Variants in REEP1 observed in about 807,000 individuals in gnomAD.
The protein encoded by REEP1 is receptor accessory protein 1, also known as receptor expression-enhancing protein 1.
Under a neutral mutation model 40.3 loss-of-function variants are expected in REEP1, and 22 were observed. The observed-to-expected ratio is 0.55, with a 90% confidence interval of 0.39 to 0.78. The LOEUF (loss-of-function observed/expected upper bound fraction) is 0.78. Among genes scored for constraint, REEP1 ranks in the 30% least tolerant of loss-of-function variants. The pLI is 0.00. For missense variants in REEP1, 280 were observed against 361.1 expected (o/e 0.78, Z 1.82); for synonymous variants, 116 against 139.2 (o/e 0.83, Z 1.17).
intron 1 of REEP1, among the ~76,000 whole-genome samples, chr2:86,297,987 C>G (rs913584959): frequency 6.6e-6 from 1 of 152,204 alleles, no homozygotes; most frequent in Non-Finnish European, 1.5e-5. Flanking sequence ...CCCACCCCAA[C>G]TGGTCCATTA....
At chr2:86,327,768 C>T (rs545880039) in intron 1 of REEP1, among the ~76,000 whole-genome samples, 4 of 152,156 alleles carry the variant, frequency 2.6e-5, no homozygotes, top group Non-Finnish European at 5.9e-5. Flanking sequence ...GGGATTTCAC[C>T]GTGTTAGCCA....
At chr2:86,316,666 C>A (rs944584488) in intron 1 of REEP1, among the ~76,000 whole-genome samples, 1 of 151,874 alleles carries the variant, frequency 6.6e-6, no homozygotes, top group African/African-American at 2.4e-5. Flanking sequence ...CGAGACCAGC[C>A]TGGCCAACAT....
At chr2:86,226,111 C>CCACCACCACCACCACCACCACCACCAT (rs1553457298) in intron 7 of REEP1, among the ~76,000 whole-genome samples, 2 of 141,036 alleles carry the variant, frequency 1.4e-5, no homozygotes, top group African/African-American at 5.2e-5. Flanking sequence ...ACCACCACCA[C>CCACCACCACCACCACCACCACCACCAT]CACCATCATC....
chr2:86,295,847 C>A (rs892083347), intron 1 of REEP1, among the ~76,000 whole-genome samples: 4 of 152,178 alleles, frequency 2.6e-5, no homozygotes, highest in Non-Finnish European at 5.9e-5. Flanking sequence ...CCCACAGCTG[C>A]TTTGTTTAGA....
chr2:86,260,409 T>G (rs1329399158), intron 3 of REEP1, among the ~76,000 whole-genome samples: 2 of 152,184 alleles, frequency 1.3e-5, no homozygotes, highest in African/African-American at 4.8e-5. Flanking sequence ...TACCCATACC[T>G]GCATACATGC....
intron 1 of REEP1, among the ~76,000 whole-genome samples, chr2:86,315,071 G>T (rs555848860): frequency 1.3e-5 from 2 of 152,082 alleles, no homozygotes; most frequent in East Asian, 3.9e-4. Flanking sequence ...AAACATCAAA[G>T]ACCCTGCAGG....
chr2:86,255,410 G>A (rs1676503971), intron 3 of REEP1, among the ~76,000 whole-genome samples: 1 of 152,190 alleles, frequency 6.6e-6, no homozygotes, highest in African/African-American at 2.4e-5. Flanking sequence ...CAGGCAAACA[G>A]ATTTTGATCT....
At chr2:86,232,599 AAG>A (rs1317030136) in intron 6 of REEP1, 24 bp downstream of exon 6, 1 of 1,610,056 alleles carries the variant, frequency 6.2e-7, no homozygotes, top group South Asian at 1.1e-5. Flanking sequence ...AGGAGTGGGA[AAG>A]AGGGGAAGTA....
At chr2:86,281,564 G>A (rs1370126351) in intron 2 of REEP1, among the ~76,000 whole-genome samples, 2 of 152,132 alleles carry the variant, frequency 1.3e-5, no homozygotes, top group African/African-American at 4.8e-5. Context: ...GGAGGCGGAG[G>A]TTGCAGTGAG....
chr2:86,336,941 C>T (rs1164261545), intron 1 of REEP1: 1 of 152,406 alleles, frequency 6.6e-6, no homozygotes, highest in African/African-American at 2.4e-5. Context: ...GATGCAGACA[C>T]CTAAAAAGGA....
At position 86,272,206 on chromosome 2, in the gene REEP1, G is replaced by T. The variant is rs576479202; in HGVS notation, c.106-8165C>A. Among the ~76,000 whole-genome samples the T allele has an allele frequency of 3.9e-5, 6 of 152,302 alleles. No homozygotes were observed. The South Asian group carries it at 1.2e-3, about 32-fold the overall frequency. On this transcript the variant is annotated intron_variant, in intron 2 of 8. Transcript: ENST00000538924. ...CACTGCACTCCAGCCTGGGCAACAA[G>T]AGTGAAACTCCATCTCAGAAAATTT...
intron 3 of REEP1, among the ~76,000 whole-genome samples, chr2:86,256,266 C>T (rs989202897): frequency 8.0e-5 from 12 of 149,804 alleles, no homozygotes; most frequent in Non-Finnish European, 1.3e-4. Flanking sequence ...GAGAATTGCT[C>T]GAACCCAGGA....
At chr2:86,326,399 T>G (rs1195486462) in intron 1 of REEP1, among the ~76,000 whole-genome samples, 2 of 152,100 alleles carry the variant, frequency 1.3e-5, no homozygotes, top group Non-Finnish European at 2.9e-5. Flanking sequence ...CCTTAACCAG[T>G]ATAAGGAAAA....
intron 8 of REEP1, 49 bp from the exon 9 acceptor site, chr2:86,217,159 A>G: frequency 6.6e-7 from 1 of 1,519,774 alleles, no homozygotes; most frequent in Non-Finnish European, 9.1e-7. Context: ...TAAATGTGGG[A>G]TCTTTTGAGG....
intron 5 of REEP1, among the ~76,000 whole-genome samples, chr2:86,243,071 C>T (rs550288557): frequency 2.0e-5 from 3 of 152,182 alleles, no homozygotes; most frequent in African/African-American, 7.2e-5. Context: ...TTGGATTGAG[C>T]CCTGGGCAGA....
At chr2:86,312,716 G>C (rs1679818922) in intron 1 of REEP1, among the ~76,000 whole-genome samples, 1 of 152,168 alleles carries the variant, frequency 6.6e-6, no homozygotes, top group Non-Finnish European at 1.5e-5. Flanking sequence ...GGAAATAATA[G>C]TACCTACCCC....
In REEP1 at chr2:86,215,312, A is replaced by G. The variant is rs1476575485; in HGVS notation, c.*1727T>C. ...AATCACCTTCAGAGGAACTATGGGTAGATGGGATTCCAATATGCATATCTG... is the reference window on the plus strand; with the variant it reads ...AATCACCTTCAGAGGAACTATGGGTGGATGGGATTCCAATATGCATATCTG... On this transcript the variant is annotated 3_prime_UTR_variant, in exon 9 of 9. Transcript: ENST00000538924. The G allele has an allele frequency of 6.6e-6, 1 of 152,216 alleles. No individual in the cohort carries two copies. The highest frequency in any genetic ancestry group is 1.5e-5 in the Non-Finnish European group (1 of 68,038). The allele number at this position is 152,216 out of a possible 1,614,324, so 9.4% of individuals were successfully genotyped here.
At chr2:86,217,389 C>A (rs183347008) in intron 8 of REEP1, among the ~76,000 whole-genome samples, 1 of 152,310 alleles carries the variant, frequency 6.6e-6, no homozygotes, top group Non-Finnish European at 1.5e-5. Context: ...ACACATCTTT[C>A]TTGTTTCTGC....
chr2:86,270,134 T>A (rs781440094), intron 2 of REEP1, among the ~76,000 whole-genome samples: 1 of 152,176 alleles, frequency 6.6e-6, no homozygotes, highest in Non-Finnish European at 1.5e-5. Flanking sequence ...AAGATACTTA[T>A]CCTAGGAGGA....
Sources: gnomAD v4.1 joint callset for allele counts (sites outside exome capture counted in the v4.1 genomes callset) on GRCh38, gnomAD v4.1.1 for gene constraint, MANE v1.5 for transcripts, NCBI Gene and HGNC (gene_info 2026-07-23, HGNC 2026-07-21) for gene names.